Variants in LRBA observed in about 807,000 individuals in gnomAD.
LRBA encodes lipopolysaccharide-responsive and beige-like anchor protein.
A neutral mutation model predicts 330.0 loss-of-function variants in LRBA; 176 were observed. The observed-to-expected ratio is 0.53, with a 90% CI of 0.47 to 0.60. The LOEUF (loss-of-function observed/expected upper bound fraction) is 0.60. Among genes scored for constraint, LRBA ranks in the 20% least tolerant of loss-of-function variants. LRBA has a pLI of 0.00. For missense variants in LRBA, 3,259 were observed against 3,444.8 expected, an observed-to-expected ratio of 0.95 and a Z score of 1.35; for synonymous variants, 1,230 against 1,193.0, an observed-to-expected ratio of 1.03 and a Z score of -0.64.
chr4:150,639,745 A>ATATATATGTGTGTATG (rs1778340012), intron 37 of LRBA, among the ~76,000 whole-genome samples: 3 of 1,466 alleles, frequency 2.0e-3, no homozygotes, highest in Non-Finnish European at 1.4e-3. Context: ...AAATATATAT[A>ATATATATGTGTGTATG]TATATATATA....
chr4:150,877,531 C>T (rs1754183428), intron 17 of LRBA, among the ~76,000 whole-genome samples: 2 of 152,110 alleles, frequency 1.3e-5, no homozygotes, highest in South Asian at 4.2e-4. Flanking sequence ...ATATATAAAA[C>T]AACGACTACG....
intron 37 of LRBA, among the ~76,000 whole-genome samples, chr4:150,622,492 G>T (rs541918545): frequency 1.0e-3 from 158 of 152,246 alleles, no homozygotes; most frequent in Middle Eastern, 3.4e-3. Context: ...AGCTACAATT[G>T]TGCCACTGCA....
At chr4:150,586,188 C>A (rs1422500234) in intron 40 of LRBA, among the ~76,000 whole-genome samples, 1 of 151,962 alleles carries the variant, frequency 6.6e-6, no homozygotes, top group Non-Finnish European at 1.5e-5. Flanking sequence ...CTTACATTTG[C>A]ACAAAATGAT....
intron 33 of LRBA, among the ~76,000 whole-genome samples, chr4:150,801,538 T>A (rs1741613881): frequency 6.6e-6 from 1 of 152,246 alleles, no homozygotes; most frequent in Non-Finnish European, 1.5e-5. Flanking sequence ...TATTTCCATA[T>A]AAACTTTTCC....
rs1270232627 is a variant in LRBA at position 150,411,659 on chromosome 4, G to A, written c.7194+3779C>T. ...GATGTGGCTCTGGCTATGAGAAGCC[G>A]AAGTATCGTCTGTAATAATCTGGAA... On this transcript the variant is annotated intron_variant, in intron 47 of 56. Coordinates refer to ENST00000651943, the MANE Select transcript of LRBA (RefSeq NM_001364905.1). Among the ~76,000 whole-genome samples, 8 of 152,258 alleles carry A rather than the reference G, an allele frequency of 5.3e-5. No homozygotes were observed. In the South Asian group the frequency reaches 1.2e-3, roughly 24 times the overall value.
chr4:150,684,942 C>T (rs1561512830), intron 36 of LRBA, among the ~76,000 whole-genome samples: 1 of 152,098 alleles, frequency 6.6e-6, no homozygotes, highest in Non-Finnish European at 1.5e-5. Flanking sequence ...CTGAACCAAT[C>T]GTAATAATCA....
At chr4:150,550,047 A>G (rs192286093) in intron 40 of LRBA, among the ~76,000 whole-genome samples, 1 of 152,356 alleles carries the variant, frequency 6.6e-6, no homozygotes, top group African/African-American at 2.4e-5. Flanking sequence ...GGTAATTTTA[A>G]TATAGCAGAG....
chr4:150,915,546 T>C, intron 8 of LRBA, 62 bp downstream of exon 8: 1 of 1,455,754 alleles, frequency 6.9e-7, no homozygotes, highest in Admixed American at 2.3e-5. Flanking sequence ...AACTTTTTCT[T>C]GTTTAAAAAG....
chr4:150,905,766 T>G, intron 13 of LRBA, 72 bp downstream of exon 13: 1 of 1,324,098 alleles, frequency 7.6e-7, no homozygotes, highest in Non-Finnish European at 1.0e-6. Context: ...AAAATCCTCT[T>G]AATTATCACT....
intron 17 of LRBA, among the ~76,000 whole-genome samples, chr4:150,873,845 T>C (rs1391894173): frequency 6.6e-6 from 1 of 152,122 alleles, no homozygotes; most frequent in Non-Finnish European, 1.5e-5. Flanking sequence ...CAACCTCTAG[T>C]GATCAATAGA....
At chr4:150,498,843 T>A (rs558043657) in intron 40 of LRBA, among the ~76,000 whole-genome samples, 1 of 152,224 alleles carries the variant, frequency 6.6e-6, no homozygotes, top group African/African-American at 2.4e-5. Flanking sequence ...ATTTCAATAT[T>A]TTAGAGTAAT....
chr4:150,859,133 A>G (rs1751585982), intron 22 of LRBA, among the ~76,000 whole-genome samples: 1 of 152,192 alleles, frequency 6.6e-6, no homozygotes, highest in African/African-American at 2.4e-5. Context: ...ATCTTCAGAT[A>G]TTTCAAAAAA....
At chr4:150,571,813 T>C (rs1331829285) in intron 40 of LRBA, among the ~76,000 whole-genome samples, 2 of 151,704 alleles carry the variant, frequency 1.3e-5, no homozygotes, top group Non-Finnish European at 2.9e-5. Context: ...AGCAATAAGT[T>C]ATTTAAGGAA....
At chr4:150,333,735 T>C (rs937510165) in intron 48 of LRBA, among the ~76,000 whole-genome samples, 2 of 152,162 alleles carry the variant, frequency 1.3e-5, no homozygotes, top group African/African-American at 4.8e-5. Flanking sequence ...TCAGTGTCCT[T>C]TGGAGGTATG....
At chr4:151,007,418 T>C (rs540233673) in intron 2 of LRBA, among the ~76,000 whole-genome samples, 19 of 149,718 alleles carry the variant, frequency 1.3e-4, no homozygotes, top group African/African-American at 4.7e-4. Flanking sequence ...GGCAGGAGAA[T>C]AGTGTGAACC....
At chr4:150,846,107 T>C (rs1484312044) in intron 26 of LRBA, among the ~76,000 whole-genome samples, 3 of 152,142 alleles carry the variant, frequency 2.0e-5, no homozygotes, top group Non-Finnish European at 4.4e-5. Context: ...TGCAGCAATA[T>C]AGATGGAACT....
intron 40 of LRBA, among the ~76,000 whole-genome samples, chr4:150,516,758 G>A (rs1173217291): frequency 2.0e-5 from 3 of 152,152 alleles, no homozygotes; most frequent in South Asian, 4.2e-4. Context: ...AGACAAAAGT[G>A]TATATTGTTG....
intron 37 of LRBA, among the ~76,000 whole-genome samples, chr4:150,659,085 C>T (rs1196336641): frequency 2.2e-5 from 3 of 137,476 alleles, no homozygotes; most frequent in Admixed American, 1.5e-4. Context: ...ACCTCCCAGC[C>T]GCCTGCCTTG....
At chr4:150,394,492 G>A (rs72955819) in intron 47 of LRBA, among the ~76,000 whole-genome samples, 8,994 of 152,206 alleles carry the variant, frequency 0.059, 422 homozygotes, top group East Asian at 0.17. Flanking sequence ...TACAAGTAAC[G>A]GAGGAGGGGG....
Sources: gnomAD v4.1 joint callset for allele counts (sites outside exome capture counted in the v4.1 genomes callset) on GRCh38, gnomAD v4.1.1 for gene constraint, MANE v1.5 for transcripts, NCBI Gene and HGNC (gene_info 2026-07-23, HGNC 2026-07-21) for gene names.